Variants in MSI2 observed in about 807,000 individuals in gnomAD.
The protein encoded by MSI2 is RNA-binding protein Musashi homolog 2.
In MSI2, 17 loss-of-function variants were observed where a neutral mutation model predicts 45.6. That is an observed-to-expected ratio of 0.37 (90% confidence interval 0.26 to 0.56). The LOEUF is 0.56. Ranked by LOEUF, MSI2 falls within the 20% of genes least tolerant of loss-of-function variation. MSI2 has a pLI of 0.77. For synonymous variants in MSI2, 156 were observed against 158.2 expected (o/e 0.99, Z 0.11); for missense variants, 293 against 444.2 (o/e 0.66, Z 3.06).
the MSI2 span, among the ~76,000 whole-genome samples, chr17:57,700,446 A>C: frequency 6.6e-6 from 1 of 152,234 alleles, no homozygotes; most frequent in African/African-American, 2.4e-5. Flanking sequence ...AAAAGTGCTC[A>C]TCAAAGAATT....
At position 57,612,124 on chromosome 17, in the gene MSI2, G is replaced by A. The variant is rs114134377; in HGVS notation, c.538-3846G>A. On this transcript the variant is annotated intron_variant, in intron 8 of 13. Coordinates refer to ENST00000284073, the MANE Select transcript of MSI2 (RefSeq NM_138962.4). ...GCCTGGGGGAGGACAGCAGGGGAAG[G>A]TGACCCGATGTGGGCTAACTCAAGA... Among the ~76,000 whole-genome samples, 616 of 95,440 alleles carry A rather than the reference G, an allele frequency of 6.5e-3. 184 individuals are homozygous for A. Among genetic ancestry groups the A allele is most frequent in the African/African-American group, 0.018 (567 of 30,668 alleles). The allele number at this position is 95,440 out of a possible 152,430, so 62.6% of individuals were successfully genotyped here.
At chr17:57,574,828 CTTTTTTTTTTTT>C (rs34704876) in intron 7 of MSI2, among the ~76,000 whole-genome samples, 1 of 128,396 alleles carries the variant, frequency 7.8e-6, no homozygotes, top group African/African-American at 2.9e-5. Flanking sequence ...CTCTCTCTCT[CTTTTTTTTTTTT>C]TTTTTTTTGA....
chr17:57,281,277 C>G (rs553281970), intron 5 of MSI2, among the ~76,000 whole-genome samples: 1 of 152,136 alleles, frequency 6.6e-6, no homozygotes, highest in South Asian at 2.1e-4. Flanking sequence ...GAGAGCATCA[C>G]GTGAGGGATA....
intron 5 of MSI2, among the ~76,000 whole-genome samples, chr17:57,361,519 A>G (rs1025616565): frequency 2.7e-5 from 4 of 150,816 alleles, no homozygotes; most frequent in African/African-American, 4.9e-5. Context: ...AGGTGGGAGG[A>G]TGACTTGAAC....
intron 8 of MSI2, among the ~76,000 whole-genome samples, chr17:57,610,271 T>G (rs189292846): frequency 6.6e-6 from 1 of 152,002 alleles, no homozygotes; most frequent in African/African-American, 2.4e-5. Flanking sequence ...GCCAATGTGG[T>G]GAAACCCCTG....
At chr17:57,580,068 A>G (rs1336373181) in intron 7 of MSI2, among the ~76,000 whole-genome samples, 6 of 142,942 alleles carry the variant, frequency 4.2e-5, no homozygotes, top group Non-Finnish European at 7.7e-5. Flanking sequence ...AATGTTCCAG[A>G]AAAAAAAAAA....
intron 10 of MSI2, among the ~76,000 whole-genome samples, chr17:57,635,197 G>A (rs1159722834): frequency 6.6e-6 from 1 of 152,224 alleles, no homozygotes; most frequent in East Asian, 1.9e-4. Context: ...GGTGGGAGGA[G>A]ATCTACAAGG....
chr17:57,373,062 A>G (rs2083443900), intron 5 of MSI2, among the ~76,000 whole-genome samples: 1 of 152,134 alleles, frequency 6.6e-6, no homozygotes, highest in Non-Finnish European at 1.5e-5. Flanking sequence ...CAGCCTGGCC[A>G]ACATAGTGGT....
chr17:57,696,975 G>A, the MSI2 span, among the ~76,000 whole-genome samples: 1 of 152,068 alleles, frequency 6.6e-6, no homozygotes, highest in East Asian at 1.9e-4. Context: ...GATGAGCTTA[G>A]GAGAATATTC....
rs558337100 is a variant in MSI2, at chr17:57,378,639, C to T, written c.313-22740C>T. 2.4e-4 allele frequency among the ~76,000 whole-genome samples: 37 copies of T among 152,276 alleles called. No individual in the cohort carries two copies. In the East Asian group the frequency reaches 3.1e-3, roughly 13 times the overall value. The stretch of plus-strand genomic sequence containing the variant: ...CTCAAACTCCTGGCCTCAAGCCATC[C>T]GCCTGCCTCAGCCTCCTAAAGTGCT... On this transcript the variant is annotated intron_variant, in intron 5 of 13. Coordinates refer to ENST00000284073, the MANE Select transcript of MSI2 (RefSeq NM_138962.4).
intron 5 of MSI2, among the ~76,000 whole-genome samples, chr17:57,315,020 T>C (rs1403457021): frequency 6.6e-6 from 1 of 152,048 alleles, no homozygotes; most frequent in Non-Finnish European, 1.5e-5. Context: ...ATTTACTTGG[T>C]TGGGGGTGTG....
chr17:57,459,832 A>G (rs1001968072), intron 6 of MSI2, among the ~76,000 whole-genome samples: 1 of 152,058 alleles, frequency 6.6e-6, no homozygotes, highest in African/African-American at 2.4e-5. Flanking sequence ...CATCTCTACA[A>G]AAAATTAAAA....
At chr17:57,638,264 C>A (rs533022985) in intron 10 of MSI2, among the ~76,000 whole-genome samples, 1 of 152,144 alleles carries the variant, frequency 6.6e-6, no homozygotes, top group Admixed American at 6.5e-5. Context: ...AATCCCCTGC[C>A]CCTGAGAGAC....
At chr17:57,484,908 C>T (rs1306975511) in intron 6 of MSI2, among the ~76,000 whole-genome samples, 1 of 152,184 alleles carries the variant, frequency 6.6e-6, no homozygotes, top group Admixed American at 6.5e-5. Flanking sequence ...GCTTCTCTCT[C>T]GGGGAAACAT....
intron 9 of MSI2, 99 bp downstream of exon 9, chr17:57,616,183 C>T (rs1032574681): frequency 2.6e-6 from 2 of 782,850 alleles, no homozygotes; most frequent in Non-Finnish European, 4.3e-6. Flanking sequence ...ACTGCTTCAC[C>T]TTTCTAAGCC....
intron 1 of MSI2, 138 bp downstream of exon 1, chr17:57,256,942 C>CT: frequency 1.0e-6 from 1 of 1,000,986 alleles, no homozygotes; most frequent in Non-Finnish European, 1.4e-6. Flanking sequence ...AGTTACACAC[C>CT]TTTGGATTGC....
chr17:57,458,890 C>G (rs1017963064), intron 6 of MSI2, among the ~76,000 whole-genome samples: 1 of 152,192 alleles, frequency 6.6e-6, no homozygotes, highest in African/African-American at 2.4e-5. Context: ...TCCGCGGTTG[C>G]TGGGCACCTG....
chr17:57,572,289 C>G (rs1032338789), intron 7 of MSI2, among the ~76,000 whole-genome samples: 2 of 152,200 alleles, frequency 1.3e-5, no homozygotes, highest in African/African-American at 4.8e-5. Context: ...TCACCCTGTT[C>G]CAGAAATTTT....
chr17:57,663,629 AAGAC>A (rs1912163996), intron 11 of MSI2, among the ~76,000 whole-genome samples: 1 of 152,188 alleles, frequency 6.6e-6, no homozygotes, highest in Non-Finnish European at 1.5e-5. Context: ...CTTCAGAGAA[AAGAC>A]AGACACACAG....
Sources: gnomAD v4.1 joint callset for allele counts (sites outside exome capture counted in the v4.1 genomes callset) on GRCh38, gnomAD v4.1.1 for gene constraint, MANE v1.5 for transcripts, NCBI Gene and HGNC (gene_info 2026-07-23, HGNC 2026-07-21) for gene names.